PCDHA3: variants seen among roughly 807,000 people sequenced by gnomAD.
PCDHA3 encodes the protein protocadherin alpha 3, also known as protocadherin alpha-3.
Under a neutral mutation model 62.2 loss-of-function variants are expected in PCDHA3, and 41 were observed. That is an observed-to-expected ratio of 0.66 (90% CI 0.51 to 0.86). PCDHA3 has a LOEUF of 0.86. Ranked by LOEUF, PCDHA3 falls within the 40% of genes least tolerant of loss-of-function variation. The pLI is 0.00. For synonymous variants in PCDHA3, 640 were observed against 555.4 expected (o/e 1.15, Z -2.14); for missense variants, 1,304 against 1,241.2 (o/e 1.05, Z -0.76).
intron 1 of PCDHA3, chr5:140,810,851 C>T (rs548527323): frequency 6.6e-6 from 1 of 152,122 alleles, no homozygotes; most frequent in East Asian, 1.9e-4. Context: ...TTTGATTAAA[C>T]TCAATTTATC....
chr5:140,898,528 TG>T (rs2066807286), intron 1 of PCDHA3, among the ~76,000 whole-genome samples: 1 of 152,236 alleles, frequency 6.6e-6, no homozygotes, highest in African/African-American at 2.4e-5. Flanking sequence ...CTGAGGGCTC[TG>T]TTCTGTTCCA....
At chr5:140,871,532 T>G in intron 1 of PCDHA3, 1 of 1,515,318 alleles carries the variant, frequency 6.6e-7, no homozygotes, top group Non-Finnish European at 8.8e-7. Flanking sequence ...AGGAAGTGTA[T>G]GTGAAATTAT....
chr5:140,869,778 C>A (rs782226363), intron 1 of PCDHA3: 1 of 1,612,922 alleles, frequency 6.2e-7, no homozygotes, highest in Non-Finnish European at 8.5e-7. Context: ...TTACTGGCAC[C>A]GTTCGGCTGT....
At chr5:140,974,808 G>A (rs1229375180) in intron 1 of PCDHA3, among the ~76,000 whole-genome samples, 1 of 152,090 alleles carries the variant, frequency 6.6e-6, no homozygotes, top group Non-Finnish European at 1.5e-5. Context: ...TATACTAGAA[G>A]ACCAATATGC....
intron 1 of PCDHA3, among the ~76,000 whole-genome samples, chr5:140,878,522 C>A (rs1237264420): frequency 6.6e-6 from 1 of 152,072 alleles, no homozygotes; most frequent in Non-Finnish European, 1.5e-5. Flanking sequence ...AGTTGGTAAC[C>A]AACTGTGGCT....
At chr5:140,876,906 G>T (rs782762108) in intron 1 of PCDHA3, 13 of 1,613,908 alleles carry the variant, frequency 8.1e-6, no homozygotes, top group South Asian at 2.2e-5. Flanking sequence ...TCACGGTGTC[G>T]GCATGGGACG....
At chr5:140,807,639 G>A in intron 1 of PCDHA3, 1 of 1,614,188 alleles carries the variant, frequency 6.2e-7, no homozygotes, top group Non-Finnish European at 8.5e-7. Flanking sequence ...CTTGACTCTC[G>A]GTTTCCACTA....
intron 1 of PCDHA3, chr5:140,836,001 G>A (rs1405342443): frequency 2.3e-5 from 37 of 1,613,232 alleles, no homozygotes; most frequent in Non-Finnish European, 2.9e-5. Context: ...CGCGCGCGAT[G>A]CGGGCGTGCC....
intron 1 of PCDHA3, among the ~76,000 whole-genome samples, chr5:140,837,845 T>C (rs1033041173): frequency 1.3e-5 from 2 of 151,414 alleles, no homozygotes; most frequent in Admixed American, 1.3e-4. Flanking sequence ...GCCTGGCTAA[T>C]TTTATTTTAT....
chr5:140,832,198 T>G (rs1771866666), intron 1 of PCDHA3, among the ~76,000 whole-genome samples: 1 of 152,250 alleles, frequency 6.6e-6, no homozygotes, highest in Non-Finnish European at 1.5e-5. Context: ...TTTAACCTGC[T>G]GAGTCCTCAG....
chr5:140,973,549 A>G (rs1040107774), intron 1 of PCDHA3, among the ~76,000 whole-genome samples: 2 of 152,230 alleles, frequency 1.3e-5, no homozygotes, highest in Non-Finnish European at 2.9e-5. Context: ...ATTTATTTCA[A>G]TTACCTCTTT....
In PCDHA3 at chr5:140,921,062, C is replaced by T. The variant is rs377176575; in HGVS notation, c.2395-57887C>T. 1.3e-4 allele frequency among the ~76,000 whole-genome samples: 20 copies of T among 151,872 alleles called. No homozygotes were observed. The South Asian group carries it at 4.2e-3, about 32-fold the overall frequency. The stretch of plus-strand genomic sequence containing the variant: ...TGGGGCAATCATAGCTCACTCTAAC[C>T]TTGAACTCTTGGGCTCAAGAGAATC... On this transcript the variant is annotated intron_variant, in intron 1 of 3. Coordinates refer to ENST00000522353, the MANE Select transcript of PCDHA3 (RefSeq NM_018906.3).
At chr5:140,951,289 T>C (rs546786558) in intron 1 of PCDHA3, among the ~76,000 whole-genome samples, 12 of 152,232 alleles carry the variant, frequency 7.9e-5, no homozygotes, top group Non-Finnish European at 1.3e-4. Context: ...TTTTGGATTA[T>C]ATCTTGATAT....
intron 1 of PCDHA3, chr5:140,926,299 C>G (rs547710989): frequency 3.9e-5 from 6 of 152,464 alleles, no homozygotes; most frequent in Admixed American, 3.9e-4. Context: ...GAGTCCCGCC[C>G]TCTCCGCCGG....
intron 1 of PCDHA3, chr5:140,824,277 CT>C: frequency 8.7e-7 from 1 of 1,143,248 alleles, no homozygotes; most frequent in Non-Finnish European, 1.3e-6. Flanking sequence ...GTATTATATG[CT>C]TTTTATGAGG....
Position 140,829,163 on chromosome 5 carries a change from C to T in PCDHA3, c.2394+25572C>T, listed in dbSNP as rs1371458917. The T allele has an allele frequency of 5.0e-6, 8 of 1,613,906 alleles. No individual in the cohort carries two copies. The East Asian group carries it at 1.8e-4, about 36-fold the overall frequency. On this transcript the variant is annotated intron_variant, in intron 1 of 3. Coordinates refer to ENST00000522353, the MANE Select transcript of PCDHA3 (RefSeq NM_018906.3). ...GATAGCACTGACTTCCTTATCCTTG[C>T]CTGTACGTGAAGACGCTCAATTTGG... is the stretch of plus-strand genomic sequence containing the variant.
At chr5:140,882,891 A>G (rs782750187) in intron 1 of PCDHA3, 3 of 1,614,230 alleles carry the variant, frequency 1.9e-6, no homozygotes, top group Admixed American at 1.7e-5. Context: ...ATTCAGGAAC[A>G]TAGTTTATTA....
At chr5:140,954,919 C>A (rs246021) in intron 1 of PCDHA3, among the ~76,000 whole-genome samples, 85,722 of 151,952 alleles carry the variant, frequency 0.56, 24,790 homozygotes, top group African/African-American at 0.69. Flanking sequence ...TTATGAATTA[C>A]GTCTTTAATT....
intron 3 of PCDHA3, among the ~76,000 whole-genome samples, chr5:141,008,498 T>G (rs2098379874): frequency 6.6e-6 from 1 of 152,158 alleles, no homozygotes. Context: ...CTGGTATACT[T>G]TATGGTGTGT....
Sources: gnomAD v4.1 joint callset for allele counts (sites outside exome capture counted in the v4.1 genomes callset) on GRCh38, gnomAD v4.1.1 for gene constraint, MANE v1.5 for transcripts, NCBI Gene and HGNC (gene_info 2026-07-23, HGNC 2026-07-21) for gene names.